IMMP2L: variants seen among roughly 807,000 people sequenced by gnomAD.
The protein encoded by IMMP2L is mitochondrial inner membrane protease subunit 2.
A neutral mutation model predicts 19.3 loss-of-function variants in IMMP2L; 18 were observed. The observed-to-expected ratio is 0.93, with a 90% CI of 0.64 to 1.38. The LOEUF is 1.38. Ranked by LOEUF, IMMP2L falls within the 40% of genes most tolerant of loss-of-function variation. The pLI is 0.00. For synonymous variants in IMMP2L, 76 were observed against 73.0 expected, an observed-to-expected ratio of 1.04 and a Z score of -0.21; for missense variants, 233 against 218.2, an observed-to-expected ratio of 1.07 and a Z score of -0.43.
chr7:110,679,398 T>C (rs1178318266), intron 5 of IMMP2L, among the ~76,000 whole-genome samples: 1 of 152,118 alleles, frequency 6.6e-6, no homozygotes, highest in Non-Finnish European at 1.5e-5. Context: ...CCAACCGATG[T>C]CTCATTGTTT....
intron 5 of IMMP2L, among the ~76,000 whole-genome samples, chr7:110,813,931 T>C (rs1249177157): frequency 6.6e-6 from 1 of 152,004 alleles, no homozygotes; most frequent in East Asian, 1.9e-4. Context: ...TCAGATAAAA[T>C]AATTTCATCT....
intron 3 of IMMP2L, among the ~76,000 whole-genome samples, chr7:111,072,241 G>T (rs542495768): frequency 6.6e-6 from 1 of 152,312 alleles, no homozygotes; most frequent in Admixed American, 6.5e-5. Context: ...AATAGTACTT[G>T]ATTCAGGCAA....
At chr7:111,317,156 G>C (rs1417412068) in intron 3 of IMMP2L, among the ~76,000 whole-genome samples, 1 of 152,080 alleles carries the variant, frequency 6.6e-6, no homozygotes, top group East Asian at 1.9e-4. Context: ...GTACAGACAT[G>C]AAAGTGTCTC....
rs189580728 is a variant in IMMP2L, at chr7:110,670,450, G to A, written c.409-6729C>T. 4.7e-3 allele frequency among the ~76,000 whole-genome samples: 710 copies of A among 152,280 alleles called. 4 individuals carry two copies. Among genetic ancestry groups the A allele is most frequent in the Non-Finnish European group, 7.7e-3 (525 of 68,020 alleles). On this transcript the variant is annotated intron_variant, in intron 5 of 5. Transcript: ENST00000405709. ...CAAGCCTGTAATCCCAGCACTTTGG[G>A]AGGCCGAGGTGGACAGATCACTTGA...
At chr7:111,308,706 T>C (rs969196151) in intron 3 of IMMP2L, among the ~76,000 whole-genome samples, 1 of 151,934 alleles carries the variant, frequency 6.6e-6, no homozygotes, top group African/African-American at 2.4e-5. Context: ...TATAACATTA[T>C]AATAAAAAAT....
intron 3 of IMMP2L, among the ~76,000 whole-genome samples, chr7:111,444,661 C>G (rs1838119425): frequency 6.6e-6 from 1 of 152,050 alleles, no homozygotes; most frequent in African/African-American, 2.4e-5. Context: ...ACCATCAAAT[C>G]CAGCCATACA....
chr7:110,958,960 C>T (rs1344847310), intron 4 of IMMP2L, among the ~76,000 whole-genome samples: 1 of 151,988 alleles, frequency 6.6e-6, no homozygotes, highest in East Asian at 1.9e-4. Flanking sequence ...TAGGCTGAGC[C>T]TTGGCTCCTA....
intron 3 of IMMP2L, among the ~76,000 whole-genome samples, chr7:111,279,598 T>A (rs369251302): frequency 6.6e-6 from 1 of 152,308 alleles, no homozygotes; most frequent in Non-Finnish European, 1.5e-5. Context: ...AGTTTTGTCA[T>A]CTATGAAACT....
intron 5 of IMMP2L, among the ~76,000 whole-genome samples, chr7:110,714,415 A>T (rs2130726142): frequency 6.6e-6 from 1 of 152,144 alleles, no homozygotes. Context: ...TTCTTTTTTC[A>T]TTGGGTCTTT....
At chr7:111,045,019 T>A (rs1035889057) in intron 3 of IMMP2L, among the ~76,000 whole-genome samples, 1 of 152,052 alleles carries the variant, frequency 6.6e-6, no homozygotes, top group Non-Finnish European at 1.5e-5. Flanking sequence ...GATAGAAAAG[T>A]AATAAAGAGA....
intron 3 of IMMP2L, among the ~76,000 whole-genome samples, chr7:111,377,287 AT>A (rs1830760483): frequency 1.3e-5 from 2 of 151,976 alleles, no homozygotes; most frequent in South Asian, 4.2e-4. Flanking sequence ...ATGCGTTCAT[AT>A]ATATAAAGAA....
At chr7:111,307,447 T>C (rs756414841) in intron 3 of IMMP2L, among the ~76,000 whole-genome samples, 23 of 151,952 alleles carry the variant, frequency 1.5e-4, no homozygotes, top group South Asian at 4.1e-4. Flanking sequence ...TACCATATTC[T>C]GTAATAAAAT....
In IMMP2L at chr7:111,472,891, TTC is replaced by T. The variant is rs368460764; in HGVS notation, c.239+14345_239+14346del. 5.6e-3 allele frequency among the ~76,000 whole-genome samples: 845 copies of T among 151,862 alleles called. 6 individuals carry two copies. The highest frequency in any genetic ancestry group is 0.02 in the African/African-American group (808 of 41,406). ...TGGGTGGATCACTTGAGGCCAGGAT[TTC>T]AAGACCAGCCTGGCCAACATGGCGA... On this transcript the variant is annotated intron_variant, in intron 3 of 5. Coordinates refer to ENST00000405709, the MANE Select transcript of IMMP2L (RefSeq NM_032549.4).
intron 4 of IMMP2L, among the ~76,000 whole-genome samples, chr7:110,944,954 T>G (rs2129553427): frequency 6.6e-6 from 1 of 152,070 alleles, no homozygotes; most frequent in Non-Finnish European, 1.5e-5. Context: ...TTATACACAT[T>G]CCTTTGCAAT....
intron 5 of IMMP2L, among the ~76,000 whole-genome samples, chr7:110,845,060 T>C (rs1805538105): frequency 6.6e-6 from 1 of 152,080 alleles, no homozygotes; most frequent in African/African-American, 2.4e-5. Flanking sequence ...ATAACTCCAA[T>C]ATTTCAATCT....
intron 5 of IMMP2L, among the ~76,000 whole-genome samples, chr7:110,684,220 C>T (rs1405301558): frequency 6.6e-6 from 1 of 151,976 alleles, no homozygotes; most frequent in African/African-American, 2.4e-5. Context: ...TACTTGAGAG[C>T]AGTTTATTTA....
At chr7:110,806,313 A>G (rs1231028006) in intron 5 of IMMP2L, among the ~76,000 whole-genome samples, 1 of 151,894 alleles carries the variant, frequency 6.6e-6, no homozygotes, top group Admixed American at 6.6e-5. Context: ...TAATTTTTCA[A>G]TATGTTCAAT....
intron 4 of IMMP2L, among the ~76,000 whole-genome samples, chr7:110,904,089 A>T (rs141063213): frequency 1.7e-3 from 256 of 152,082 alleles, no homozygotes; most frequent in Non-Finnish European, 2.9e-3. Context: ...TTGTTTTACT[A>T]TAGAGTTGTA....
chr7:110,827,779 T>C (rs1803636947), intron 5 of IMMP2L, among the ~76,000 whole-genome samples: 2 of 152,254 alleles, frequency 1.3e-5, no homozygotes, highest in Admixed American at 1.3e-4. Flanking sequence ...ATACAGCTAT[T>C]GTGTATCCCA....
Sources: gnomAD v4.1 joint callset for allele counts (sites outside exome capture counted in the v4.1 genomes callset) on GRCh38, gnomAD v4.1.1 for gene constraint, MANE v1.5 for transcripts, NCBI Gene and HGNC (gene_info 2026-07-23, HGNC 2026-07-21) for gene names.